ATP8B1: variants seen among roughly 807,000 people sequenced by gnomAD.
ATP8B1 encodes phospholipid-transporting ATPase IC.
A neutral mutation model predicts 149.9 loss-of-function variants in ATP8B1; 80 were observed. That is an observed-to-expected ratio of 0.53 (90% CI 0.45 to 0.64). ATP8B1 has a LOEUF of 0.64. ATP8B1 is among the 30% of genes least tolerant of loss of function. The pLI, the probability that ATP8B1 is intolerant of heterozygous loss-of-function variation, is 0.00. For synonymous variants in ATP8B1, 536 were observed against 562.8 expected (o/e 0.95, Z 0.67); for missense variants, 1,247 against 1,552.6 (o/e 0.80, Z 3.31).
intron 16 of ATP8B1, among the ~76,000 whole-genome samples, chr18:57,673,658 CAT>C (rs35045755): frequency 0.092 from 13,842 of 150,780 alleles, 699 homozygotes; most frequent in Middle Eastern, 0.15. Flanking sequence ...AATGAAATTA[CAT>C]ATATATAATT....
At chr18:57,656,155 C>T (rs73959312) in intron 22 of ATP8B1, among the ~76,000 whole-genome samples, 2,024 of 152,172 alleles carry the variant, frequency 0.013, 58 homozygotes, top group African/African-American at 0.046. Flanking sequence ...AGCCTAGACC[C>T]TGCTTCTGTA....
At chr18:57,746,917 G>A (rs1264868032) in intron 1 of ATP8B1, among the ~76,000 whole-genome samples, 2 of 152,200 alleles carry the variant, frequency 1.3e-5, no homozygotes, top group Non-Finnish European at 1.5e-5. Flanking sequence ...GCATGTCAAG[G>A]CAGAAGAGTT....
At chr18:57,788,221 A>G (rs1599239986) in intron 1 of ATP8B1, among the ~76,000 whole-genome samples, 1 of 152,300 alleles carries the variant, frequency 6.6e-6, no homozygotes, top group East Asian at 1.9e-4. Context: ...ATGAGAGGGT[A>G]TCCTATAAAA....
Position 57,780,782 on chromosome 18 carries a change from C to T in ATP8B1, c.-26+22216G>A, listed in dbSNP as rs562489344. 1.4e-4 allele frequency among the ~76,000 whole-genome samples: 21 copies of T among 152,314 alleles called. No homozygotes were observed. The South Asian group carries it at 4.1e-3, about 30-fold the overall frequency. On this transcript the variant is annotated intron_variant, in intron 1 of 27. Transcript: ENST00000648908. ...TTTTCTGTGGACAGTTTCACCCCAA[C>T]AGAAGGAAGCTGTGGTTTCACCTTT...
intron 2 of ATP8B1, among the ~76,000 whole-genome samples, chr18:57,720,803 C>G (rs1787017088): frequency 6.6e-6 from 1 of 150,848 alleles, no homozygotes. Flanking sequence ...GTCAGATTCA[C>G]CAAAGTTGAA....
intron 1 of ATP8B1, among the ~76,000 whole-genome samples, chr18:57,797,008 TGTCA>T (rs2080521649): frequency 6.6e-6 from 1 of 152,226 alleles, no homozygotes; most frequent in South Asian, 2.1e-4. Context: ...CAGAGGATCA[TGTCA>T]GTAACTCACT....
chr18:57,705,301 A>T (rs1192024397), intron 3 of ATP8B1, among the ~76,000 whole-genome samples: 6 of 152,192 alleles, frequency 3.9e-5, no homozygotes, highest in Non-Finnish European at 1.5e-5. Context: ...AGCCAGGAAA[A>T]GTGAGGCTTT....
chr18:57,738,640 TAA>T (rs2079882377), intron 1 of ATP8B1, among the ~76,000 whole-genome samples: 1 of 150,964 alleles, frequency 6.6e-6, no homozygotes, highest in African/African-American at 2.4e-5. Context: ...ATAAATAAAA[TAA>T]AATAAAATAA....
chr18:57,685,193 T>C, intron 13 of ATP8B1, 78 bp from the exon 14 acceptor site: 1 of 1,505,330 alleles, frequency 6.6e-7, no homozygotes, highest in Non-Finnish European at 9.2e-7. Flanking sequence ...TTTGCTTATA[T>C]AGTGATGGTG....
At chr18:57,699,832 C>T (rs1001105905) in intron 6 of ATP8B1, among the ~76,000 whole-genome samples, 1 of 152,160 alleles carries the variant, frequency 6.6e-6, no homozygotes, top group Non-Finnish European at 1.5e-5. Flanking sequence ...AGATTACAGG[C>T]GTGAGCCACC....
Position 57,736,453 on chromosome 18 carries a change from G to GTTTTTTTTTTTTTTTT in ATP8B1, c.-25-4637_-25-4622dup, listed in dbSNP as rs71171079. Among the ~76,000 whole-genome samples the GTTTTTTTTTTTTTTTT allele has an allele frequency of 2.9e-5, 2 of 70,142 alleles. 1 individual carries two copies. Among genetic ancestry groups the GTTTTTTTTTTTTTTTT allele is most frequent in the African/African-American group, 1.0e-4 (2 of 19,248 alleles). 46.0% of individuals were successfully genotyped at this position (70,142 alleles called of 152,430 possible). Reference sequence around the variant, plus strand: ...TTTCTTCTAGTATAAAGTTTTACTAGTTTTTTTTTTTTTTTTTTTTTTTTG... The same window carrying GTTTTTTTTTTTTTTTT: ...TTTCTTCTAGTATAAAGTTTTACTAGTTTTTTTTTTTTTTTTTTTTTTTTTTTTTTTTTTTTTTTTG... On this transcript the variant is annotated intron_variant, in intron 1 of 27. Coordinates refer to ENST00000648908, the MANE Select transcript of ATP8B1 (RefSeq NM_001374385.1).
At chr18:57,665,536 A>G (rs1162800160) in intron 20 of ATP8B1, among the ~76,000 whole-genome samples, 1 of 152,120 alleles carries the variant, frequency 6.6e-6, no homozygotes, top group Non-Finnish European at 1.5e-5. Flanking sequence ...ATTAAGCATT[A>G]AGCATTTATT....
At chr18:57,656,067 G>C (rs967187013) in intron 22 of ATP8B1, among the ~76,000 whole-genome samples, 1 of 152,098 alleles carries the variant, frequency 6.6e-6, no homozygotes, top group Non-Finnish European at 1.5e-5. Context: ...AACTATAAAG[G>C]CTTCTTAATT....
Position 57,653,947 on chromosome 18 carries a change from A to G in ATP8B1, c.3015+45T>C, listed in dbSNP as rs1328674570. On this transcript the variant is annotated intron_variant, in intron 24 of 27. Transcript: ENST00000648908. ...CGTTTGCTTGGGACTTCTCTAACGC[A>G]TTCTCATCTGTCCAGAAGTGTCCCT... 3.3e-6 allele frequency: 5 copies of G among 1,531,104 alleles called. No individual in the cohort carries two copies. The East Asian group carries it at 1.1e-4, about 34-fold the overall frequency. The allele number at this position is 1,531,104 out of a possible 1,614,324, so 94.8% of individuals were successfully genotyped here. A position where few individuals can be genotyped will look rare whatever the true frequency, so the allele number is the denominator to read the frequency against.
At chr18:57,686,197 G>A (rs12953794) in intron 13 of ATP8B1, among the ~76,000 whole-genome samples, 1 of 152,030 alleles carries the variant, frequency 6.6e-6, no homozygotes, top group African/African-American at 2.4e-5. Context: ...GGGAGGCGGA[G>A]GGGTTGCAGT....
intron 2 of ATP8B1, among the ~76,000 whole-genome samples, chr18:57,717,578 AAAAAAAAAAAGAACTAG>A (rs2079595667): frequency 1.4e-5 from 2 of 143,120 alleles, no homozygotes; most frequent in Admixed American, 1.4e-4. Context: ...AAAAAAAAAA[AAAAAAAAAAAGAACTAG>A]AAAAGCAAGA....
In ATP8B1 at chr18:57,648,487, A is replaced by G; in HGVS notation, c.*1T>C. The stretch of plus-strand genomic sequence containing the variant: ...CCGCATCCCAGCCTGGGGGTAAGGG[A>G]TCAGCTGTCCCCGGTGCGCCTGTAC... On this transcript the variant is annotated 3_prime_UTR_variant, in exon 28 of 28. Transcript: ENST00000648908. The G allele has an allele frequency of 6.2e-7, 1 of 1,611,132 alleles. No individual in the cohort carries two copies. Among genetic ancestry groups the G allele is most frequent in the Non-Finnish European group, 8.5e-7 (1 of 1,179,968 alleles).
At chr18:57,703,676 A>T (rs1464108702) in intron 4 of ATP8B1, among the ~76,000 whole-genome samples, 1 of 152,152 alleles carries the variant, frequency 6.6e-6, no homozygotes, top group Non-Finnish European at 1.5e-5. Flanking sequence ...TCTGGCGCTA[A>T]CTAGTGTGTG....
intron 1 of ATP8B1, among the ~76,000 whole-genome samples, chr18:57,749,157 T>C (rs1162150965): frequency 6.6e-6 from 1 of 152,228 alleles, no homozygotes; most frequent in South Asian, 2.1e-4. Context: ...CCAATCAATG[T>C]TTGCTTCCCC....
Sources: gnomAD v4.1 joint callset for allele counts (sites outside exome capture counted in the v4.1 genomes callset) on GRCh38, gnomAD v4.1.1 for gene constraint, MANE v1.5 for transcripts, NCBI Gene and HGNC (gene_info 2026-07-23, HGNC 2026-07-21) for gene names.